The following LRMDA variants were observed in gnomAD, a reference collection of about 807,000 sequenced individuals.
LRMDA encodes leucine-rich melanocyte differentiation-associated protein.
In LRMDA, 18 loss-of-function variants were observed where a neutral mutation model predicts 29.8. The ratio of observed to expected loss-of-function variants is 0.60; its 90% CI spans 0.42 to 0.90. LRMDA has a LOEUF of 0.90. LRMDA is among the 40% of genes least tolerant of loss of function. The pLI, the probability that LRMDA is intolerant of heterozygous loss-of-function variation, is 0.00. For synonymous variants in LRMDA, 125 were observed against 109.4 expected, an observed-to-expected ratio of 1.14 and a Z score of -0.89; for missense variants, 273 against 273.9, an observed-to-expected ratio of 1.00 and a Z score of 0.02.
chr10:75,954,702 A>G (rs894243418), intron 2 of LRMDA, among the ~76,000 whole-genome samples: 1 of 152,192 alleles, frequency 6.6e-6, no homozygotes, highest in African/African-American at 2.4e-5. Context: ...TTCTGTTGAC[A>G]TTTCCTGGTA....
chr10:76,043,355 G>C (rs1305600949), intron 3 of LRMDA, among the ~76,000 whole-genome samples: 1 of 152,118 alleles, frequency 6.6e-6, no homozygotes, highest in Non-Finnish European at 1.5e-5. Context: ...ACTAGACACA[G>C]AAGTGACTGC....
chr10:76,259,075 C>T (rs897102672), intron 5 of LRMDA, among the ~76,000 whole-genome samples: 4 of 152,104 alleles, frequency 2.6e-5, no homozygotes, highest in Non-Finnish European at 5.9e-5. Flanking sequence ...AATTTACATT[C>T]CCACCAACAG....
chr10:76,318,350 A>G (rs566686996), intron 5 of LRMDA: 1 of 152,128 alleles, frequency 6.6e-6, no homozygotes, highest in South Asian at 2.1e-4. Context: ...CACTGTGGGC[A>G]CTGGCAGAAC....
intron 2 of LRMDA, among the ~76,000 whole-genome samples, chr10:75,972,521 G>C (rs1293118893): frequency 6.6e-6 from 1 of 152,102 alleles, no homozygotes; most frequent in Non-Finnish European, 1.5e-5. Flanking sequence ...ACTGTGACAG[G>C]ATATAGCAGC....
chr10:76,146,441 T>C (rs1158637410), intron 5 of LRMDA, among the ~76,000 whole-genome samples: 1 of 151,562 alleles, frequency 6.6e-6, no homozygotes, highest in Admixed American at 6.6e-5. Flanking sequence ...TTTACCATTA[T>C]GTAATGGCCT....
intron 6 of LRMDA, among the ~76,000 whole-genome samples, chr10:76,539,056 A>G (rs966247343): frequency 6.6e-6 from 1 of 152,088 alleles, no homozygotes; most frequent in East Asian, 1.9e-4. Context: ...TATTTTTATA[A>G]TAGCGTCTAT....
chr10:75,470,326 G>A (rs142986579), intron 2 of LRMDA, among the ~76,000 whole-genome samples: 209 of 152,232 alleles, frequency 1.4e-3, no homozygotes, highest in African/African-American at 4.6e-3. Context: ...GCAAAATCTC[G>A]TCTCTACTAA....
At chr10:76,422,491 C>A (rs1269829034) in intron 6 of LRMDA, among the ~76,000 whole-genome samples, 1 of 152,118 alleles carries the variant, frequency 6.6e-6, no homozygotes, top group African/African-American at 2.4e-5. Context: ...AAATCATCCA[C>A]ATTACAAAGA....
Position 75,607,466 on chromosome 10 carries a change from A to T in LRMDA, c.131+168972A>T, listed in dbSNP as rs976637561. On this transcript the variant is annotated intron_variant, in intron 2 of 6. Coordinates refer to ENST00000611255, the MANE Select transcript of LRMDA (RefSeq NM_001305581.2). Reference sequence around the variant, plus strand: ...ATACTGTATTTCTTTGGATGTTCTTATATTGAACTATATTTTTCTATTGAT... The same window carrying T: ...ATACTGTATTTCTTTGGATGTTCTTTTATTGAACTATATTTTTCTATTGAT... Among the ~76,000 whole-genome samples the T allele has an allele frequency of 1.2e-4, 18 of 152,156 alleles. 1 individual carries two copies. The highest frequency in any genetic ancestry group is 5.9e-4 in the Admixed American group (9 of 15,262).
At chr10:75,834,549 C>T (rs1844401113) in intron 2 of LRMDA, among the ~76,000 whole-genome samples, 1 of 152,182 alleles carries the variant, frequency 6.6e-6, no homozygotes, top group African/African-American at 2.4e-5. Flanking sequence ...CTTATCTTTT[C>T]CTTCTTGCCT....
chr10:76,159,274 A>T (rs747230509), intron 5 of LRMDA, among the ~76,000 whole-genome samples: 1 of 152,176 alleles, frequency 6.6e-6, no homozygotes, highest in Non-Finnish European at 1.5e-5. Flanking sequence ...ATGAATATTA[A>T]AAACTTTATG....
chr10:76,559,729 C>G lies in LRMDA; in HGVS notation c.*2441C>G, dbSNP rs568041177. The G allele has an allele frequency of 6.6e-6, 1 of 152,338 alleles. No homozygotes were observed. Among genetic ancestry groups the G allele is most frequent in the South Asian group, 2.1e-4 (1 of 4,828 alleles). 9.4% of individuals were successfully genotyped at this position (152,338 alleles called of 1,614,324 possible). A position where few individuals can be genotyped will look rare whatever the true frequency, so the allele number is the denominator to read the frequency against. On this transcript the variant is annotated 3_prime_UTR_variant, in exon 7 of 7. Transcript: ENST00000611255. ...AGGGCCCAGACATGTTTTGTACCCC[C>G]TTTACCCTTTGGTCTTTCTTCCTTT...
intron 2 of LRMDA, among the ~76,000 whole-genome samples, chr10:75,922,281 G>A (rs1052657189): frequency 1.4e-4 from 22 of 152,124 alleles, no homozygotes; most frequent in African/African-American, 4.1e-4. Context: ...CACCTTAATG[G>A]TCTCTCTCAT....
At chr10:75,970,124 C>A (rs1234977183) in intron 2 of LRMDA, among the ~76,000 whole-genome samples, 1 of 152,210 alleles carries the variant, frequency 6.6e-6, no homozygotes, top group African/African-American at 2.4e-5. Context: ...CTTGTATCCA[C>A]TTCTCTCTAA....
intron 6 of LRMDA, among the ~76,000 whole-genome samples, chr10:76,405,843 GT>G (rs1409548093): frequency 6.6e-6 from 1 of 151,952 alleles, no homozygotes; most frequent in Non-Finnish European, 1.5e-5. Flanking sequence ...TGTGTCTCTT[GT>G]TTTATCTTTC....
chr10:75,730,722 A>G (rs1842686497), intron 2 of LRMDA, among the ~76,000 whole-genome samples: 1 of 152,138 alleles, frequency 6.6e-6, no homozygotes, highest in South Asian at 2.1e-4. Context: ...TTGTCTGATG[A>G]ATTATGCACA....
Position 75,618,352 on chromosome 10 carries a change from C to G in LRMDA, c.131+179858C>G, listed in dbSNP as rs920034726. 3.9e-4 allele frequency among the ~76,000 whole-genome samples: 34 copies of G among 86,632 alleles called. No individual in the cohort carries two copies. In the South Asian group the frequency reaches 5.6e-3, roughly 14 times the overall value. The allele number at this position is 86,632 out of a possible 152,430, so 56.8% of individuals were successfully genotyped here. A position where few individuals can be genotyped will look rare whatever the true frequency, so the allele number is the denominator to read the frequency against. ...CCTATCCTTATGTAGTTGTCTTTAC[C>G]AGACTCTCTCTCTCTCTCTCTCTCT... On this transcript the variant is annotated intron_variant, in intron 2 of 6. Transcript: ENST00000611255.
chr10:76,298,083 A>G (rs1190310024), intron 5 of LRMDA, among the ~76,000 whole-genome samples: 1 of 152,250 alleles, frequency 6.6e-6, no homozygotes, highest in African/African-American at 2.4e-5. Flanking sequence ...CCATGCAGCC[A>G]GCCCACCATG....
chr10:75,845,527 C>T (rs1844618022), intron 2 of LRMDA, among the ~76,000 whole-genome samples: 1 of 152,212 alleles, frequency 6.6e-6, no homozygotes, highest in Non-Finnish European at 1.5e-5. Flanking sequence ...TTCCCACCTT[C>T]AGGTGGACAC....
Sources: allele counts gnomAD v4.1 joint callset (sites outside exome capture counted in the v4.1 genomes callset), GRCh38; gene constraint gnomAD v4.1.1; transcripts MANE v1.5; gene names NCBI Gene and HGNC (gene_info 2026-07-23, HGNC 2026-07-21).